DENND4C: variants seen among roughly 807,000 people sequenced by gnomAD.
The protein encoded by DENND4C is DENN domain containing 4C, also known as DENN domain-containing protein 4C.
In DENND4C, 108 loss-of-function variants were observed where a neutral mutation model predicts 203.0. The ratio of observed to expected loss-of-function variants is 0.53; its 90% CI spans 0.46 to 0.62. The LOEUF (loss-of-function observed/expected upper bound fraction) is 0.62, where lower values mean the gene tolerates loss of function less well. Among genes scored for constraint, DENND4C ranks in the 20% least tolerant of loss-of-function variants. The probability of loss-of-function intolerance (pLI) is 0.00; values close to 1 mark genes in which losing one functional copy is unlikely to be tolerated. For missense variants in DENND4C, 2,481 were observed against 2,301.2 expected (o/e 1.08, Z -1.60); for synonymous variants, 871 against 792.4 (o/e 1.10, Z -1.67).
chr9:19,372,985 G>A lies in DENND4C; in HGVS notation c.*812G>A, dbSNP rs988122180. 1 of 151,868 alleles carries A rather than the reference G, an allele frequency of 6.6e-6. No individual in the cohort carries two copies. The highest frequency in any genetic ancestry group is 2.4e-5 in the African/African-American group (1 of 41,336). 9.4% of individuals were successfully genotyped at this position (151,868 alleles called of 1,614,324 possible). ...TATTTATTAAAATAGATTGCATGTT[G>A]CAATACGGTTTTCTGAAAGGGGTCT... On this transcript the variant is annotated 3_prime_UTR_variant, in exon 33 of 33. Coordinates refer to ENST00000434457, the MANE Select transcript of DENND4C (RefSeq NM_001330640.2).
chr9:19,274,268 A>G (rs1371173443), intron 1 of DENND4C, among the ~76,000 whole-genome samples: 2 of 151,972 alleles, frequency 1.3e-5, no homozygotes, highest in Non-Finnish European at 2.9e-5. Context: ...GGGAGGAACA[A>G]GAAAATTTTG....
intron 10 of DENND4C, among the ~76,000 whole-genome samples, chr9:19,309,044 A>T (rs890343638): frequency 1.3e-5 from 2 of 152,222 alleles, no homozygotes; most frequent in Non-Finnish European, 2.9e-5. Flanking sequence ...TAGATTGATT[A>T]GTGATTGCCT....
chr9:19,282,092 A>G (rs995656684), intron 2 of DENND4C, among the ~76,000 whole-genome samples: 1 of 152,050 alleles, frequency 6.6e-6, no homozygotes, highest in African/African-American at 2.4e-5. Flanking sequence ...TAGCCTTTTT[A>G]CTTTATAAAC....
chr9:19,334,003 G>GGA (rs1353536444), intron 17 of DENND4C, among the ~76,000 whole-genome samples: 1 of 152,000 alleles, frequency 6.6e-6, no homozygotes, highest in Non-Finnish European at 1.5e-5. Flanking sequence ...TAGTGATTGG[G>GGA]GAGAGAGAGA....
rs139566871 is a variant in DENND4C, at chr9:19,347,065, C to T, written c.4296C>T (p.Ala1432=). The T allele has an allele frequency of 8.7e-6, 14 of 1,613,414 alleles. No individual in the cohort carries two copies. The African/African-American group carries it at 1.7e-4, about 20-fold the overall frequency. ...AGATGTGGGTAGCTGTTGCGTCTGC[C>T]TACAGCTACTCAGATGATGAGGTAA... ...ASKMWVAVAS[A]YSYSDDEEET... Residue 1432 remains alanine, a synonymous_variant, in exon 23 of 33, where the codon GCC becomes GCT. Coordinates refer to ENST00000434457, the MANE Select transcript of DENND4C (RefSeq NM_001330640.2).
chr9:19,308,094 A>T (rs906924971), intron 10 of DENND4C, among the ~76,000 whole-genome samples: 1 of 152,114 alleles, frequency 6.6e-6, no homozygotes, highest in Non-Finnish European at 1.5e-5. Context: ...ACAGTGATCA[A>T]TGTTGATGGA....
rs981866740 is a variant in DENND4C at position 19,336,879 on chromosome 9, A to C, written c.2881+47A>C. On this transcript the variant is annotated intron_variant, in intron 20 of 32. Transcript: ENST00000434457. ...TAACCCTTCACTTACTCTCATGTTAAATCTTTCCTTTTTCAAAAAGCTTCT... is the reference window on the plus strand; with the variant it reads ...TAACCCTTCACTTACTCTCATGTTACATCTTTCCTTTTTCAAAAAGCTTCT... 1.1e-5 allele frequency: 16 copies of C among 1,509,314 alleles called. No individual in the cohort carries two copies. In the African/African-American group the frequency reaches 2.2e-4, roughly 21 times the overall value. 93.5% of individuals were successfully genotyped at this position (1,509,314 alleles called of 1,614,324 possible).
intron 1 of DENND4C, among the ~76,000 whole-genome samples, chr9:19,266,291 T>G (rs901716080): frequency 2.0e-5 from 3 of 152,216 alleles, no homozygotes; most frequent in African/African-American, 7.2e-5. Context: ...CTTCACCCAC[T>G]TTTTGATGGG....
At chr9:19,328,621 G>A (rs903048412) in intron 16 of DENND4C, among the ~76,000 whole-genome samples, 2 of 149,032 alleles carry the variant, frequency 1.3e-5, no homozygotes, top group African/African-American at 5.0e-5. Context: ...CTCAAAAAAA[G>A]TCTATATATG....
chr9:19,301,686 C>T (rs1838610512), intron 9 of DENND4C, among the ~76,000 whole-genome samples: 1 of 152,174 alleles, frequency 6.6e-6, no homozygotes, highest in African/African-American at 2.4e-5. Context: ...CACCTGTAAT[C>T]CCAGCACTTT....
In DENND4C at chr9:19,305,673, TC is replaced by T; in HGVS notation, c.1487+147del. The T allele has an allele frequency of 8.2e-6, 6 of 735,348 alleles. No homozygotes were observed. In the South Asian group the frequency reaches 1.4e-4, roughly 17 times the overall value. The allele number at this position is 735,348 out of a possible 1,614,324, so 45.6% of individuals were successfully genotyped here. A position where few individuals can be genotyped will look rare whatever the true frequency, so the allele number is the denominator to read the frequency against. On this transcript the variant is annotated intron_variant, in intron 10 of 32. Coordinates refer to ENST00000434457, the MANE Select transcript of DENND4C (RefSeq NM_001330640.2). ...CAGCAGCTCTCAACCAGGGCAGGTA[TC>T]AGAATCTGGGAATGCTGTGTGATTT...
chr9:19,283,610 C>CTT (rs553611899), intron 2 of DENND4C, among the ~76,000 whole-genome samples: 54,071 of 116,212 alleles, frequency 0.47, 13,171 homozygotes, highest in South Asian at 0.61. Context: ...TTTTTTCTTT[C>CTT]TTTTTTTTTT....
At chr9:19,257,141 G>A (rs377513525) in intron 1 of DENND4C, among the ~76,000 whole-genome samples, 1 of 151,338 alleles carries the variant, frequency 6.6e-6, no homozygotes. Flanking sequence ...AGGAAAAAAA[G>A]GAAAAAAGAA....
chr9:19,315,527 A>G (rs956012393), intron 10 of DENND4C, among the ~76,000 whole-genome samples: 12 of 151,130 alleles, frequency 7.9e-5, no homozygotes, highest in Non-Finnish European at 1.3e-4. Flanking sequence ...ATACATGTAT[A>G]TATGTATGTG....
At chr9:19,293,703 A>T (rs1201063209) in intron 5 of DENND4C, among the ~76,000 whole-genome samples, 1 of 152,212 alleles carries the variant, frequency 6.6e-6, no homozygotes, top group Non-Finnish European at 1.5e-5. Flanking sequence ...GAACTAGTCT[A>T]TATGCCTGGT....
At chr9:19,314,927 C>G (rs766292219) in intron 10 of DENND4C, among the ~76,000 whole-genome samples, 2 of 151,626 alleles carry the variant, frequency 1.3e-5, no homozygotes, top group Non-Finnish European at 2.9e-5. Context: ...TTTGGGAGGC[C>G]GAGGTGGGCG....
intron 30 of DENND4C, among the ~76,000 whole-genome samples, chr9:19,367,973 G>C (rs771485805): frequency 1.6e-4 from 25 of 152,188 alleles, no homozygotes; most frequent in Non-Finnish European, 3.5e-4. Context: ...ATTAGTGGTT[G>C]CCTAGGGCTA....
chr9:19,250,508 G>A (rs1010594652), intron 1 of DENND4C, among the ~76,000 whole-genome samples: 13 of 152,032 alleles, frequency 8.6e-5, no homozygotes, highest in African/African-American at 2.4e-4. Flanking sequence ...GATTACAAAC[G>A]TGAGTCGCTG....
At chr9:19,344,599 A>G (rs1380086158) in intron 22 of DENND4C, among the ~76,000 whole-genome samples, 1 of 152,134 alleles carries the variant, frequency 6.6e-6, no homozygotes, top group Non-Finnish European at 1.5e-5. Flanking sequence ...GGCTCAGGCA[A>G]TTGAGGATTC....
Sources: allele counts gnomAD v4.1 joint callset (sites outside exome capture counted in the v4.1 genomes callset), GRCh38; gene constraint gnomAD v4.1.1; transcripts MANE v1.5; gene names NCBI Gene and HGNC (gene_info 2026-07-23, HGNC 2026-07-21).